KRTAP4-4: variants seen among roughly 807,000 people sequenced by gnomAD.
KRTAP4-4 encodes the protein keratin associated protein 4-4.
For missense variants in KRTAP4-4, 186 were observed against 206.9 expected (o/e 0.90, Z 0.62); for synonymous variants, 88 against 76.4 (o/e 1.15, Z -0.79).
At position 41,160,090 on chromosome 17, in the gene KRTAP4-4, C is replaced by T; in HGVS notation, c.*101G>A. On this transcript the variant is annotated 3_prime_UTR_variant, in exon 1 of 1. Transcript: ENST00000390661. ...GCTGAAGCCACAGCAGGAGGAGCTA[C>T]TGCTGCTAGAGATACTGCAGGAAGG... 5 of 1,543,122 alleles carry T rather than the reference C, an allele frequency of 3.2e-6. No individual in the cohort carries two copies. Among genetic ancestry groups the T allele is most frequent in the African/African-American group, 1.4e-5 (1 of 73,808 alleles).
rs2014948160 is a variant in KRTAP4-4, at chr17:41,160,242, G to A, written c.450C>T (p.Cys150=). The A allele has an allele frequency of 3.1e-6, 5 of 1,613,644 alleles. No individual in the cohort carries two copies. Among genetic ancestry groups the A allele is most frequent in the Non-Finnish European group, 4.2e-6 (5 of 1,179,928 alleles). ...CCRTTCCRPS[C]CVSRCYRPHC... The stretch of plus-strand genomic sequence containing the variant: ...GGGGCCTGTAGCACCTGGACACACA[G>A]CAGCTGGGGCGGCAGCAGGTGGTTC... The change falls in exon 1 of 1, where the codon TGC becomes TGT. Residue 150 remains cysteine (C), a synonymous_variant. Coordinates refer to ENST00000390661, the MANE Select transcript of KRTAP4-4 (RefSeq NM_032524.2).
chr17:41,160,012 T>C lies in KRTAP4-4; in HGVS notation c.*179A>G. 1 of 1,036,156 alleles carries C rather than the reference T, an allele frequency of 9.7e-7. No individual in the cohort carries two copies. The highest frequency in any genetic ancestry group is 1.4e-6 in the Non-Finnish European group (1 of 700,922). The allele number at this position is 1,036,156 out of a possible 1,614,324, so 64.2% of individuals were successfully genotyped here. On this transcript the variant is annotated 3_prime_UTR_variant, in exon 1 of 1. Coordinates refer to ENST00000390661, the MANE Select transcript of KRTAP4-4 (RefSeq NM_032524.2). The stretch of plus-strand genomic sequence containing the variant: ...GCAGGTTGGGCGGCAGCACATGGTC[T>C]GGCAGCAGTTGGGGCGGCAGCAACT...
In KRTAP4-4 at chr17:41,160,379, A is replaced by C. The variant is rs1373921774; in HGVS notation, c.313T>G (p.Cys105Gly). The C allele has an allele frequency of 6.2e-7, 1 of 1,612,436 alleles. No individual in the cohort carries two copies. The highest frequency in any genetic ancestry group is 8.5e-7 in the Non-Finnish European group (1 of 1,179,670). The change falls in exon 1 of 1, where the codon TGC (cysteine) becomes GGC (glycine). Residue 105 changes from cysteine to glycine, a missense_variant. Coordinates refer to ENST00000390661, the MANE Select transcript of KRTAP4-4 (RefSeq NM_032524.2). ...GACTGGCAGCACTGGGGCCTGCAGC[A>C]GCTGGGGCGGCAGCAGGTGGTCCTA... is the stretch of plus-strand genomic sequence containing the variant. ...CCRTTCCRPS[C>G]CRPQCCQSVC...
chr17:41,160,036 C>CTGGA lies in KRTAP4-4; in HGVS notation c.*151_*154dup. On this transcript the variant is annotated 3_prime_UTR_variant, in exon 1 of 1. Coordinates refer to ENST00000390661, the MANE Select transcript of KRTAP4-4 (RefSeq NM_032524.2). Reference sequence around the variant, plus strand: ...CTGGCAGCAGTTGGGGCGGCAGCAACTGGAGATGCAGCAGGAGAGCCTGCA... The same window carrying CTGGA: ...CTGGCAGCAGTTGGGGCGGCAGCAACTGGATGGAGATGCAGCAGGAGAGCCTGCA... The CTGGA allele has an allele frequency of 2.5e-6, 3 of 1,190,730 alleles. No homozygotes were observed. Among genetic ancestry groups the CTGGA allele is most frequent in the Non-Finnish European group, 3.6e-6 (3 of 843,922 alleles). The allele number at this position is 1,190,730 out of a possible 1,614,324, so 73.8% of individuals were successfully genotyped here. A position where few individuals can be genotyped will look rare whatever the true frequency, so the allele number is the denominator to read the frequency against.
chr17:41,160,300 C>T lies in KRTAP4-4; in HGVS notation c.392G>A (p.Cys131Tyr). Residue 131 changes from cysteine to tyrosine, a missense_variant, in exon 1 of 1, where the codon TGC (cysteine) becomes TAC (tyrosine). By Grantham distance (194) the Cys-to-Tyr change is radical. Transcript: ENST00000390661. ...CCPSYCVSSC[C>Y]RPQCCQTTCC... Reference sequence around the variant, plus strand: ...GGTGGTCTGGCAGCACTGGGGTCTGCAGCAGCTGGACACACAGTAGCTGGG... The same window carrying T: ...GGTGGTCTGGCAGCACTGGGGTCTGTAGCAGCTGGACACACAGTAGCTGGG... 7.4e-6 allele frequency: 12 copies of T among 1,612,610 alleles called. No individual in the cohort carries two copies. Among genetic ancestry groups the T allele is most frequent in the South Asian group, 1.1e-5 (1 of 90,996 alleles).
Position 41,160,621 on chromosome 17 carries a change from C to G in KRTAP4-4, c.71G>C (p.Ser24Thr), listed in dbSNP as rs532854691. The change falls in exon 1 of 1, where the codon AGC (serine) becomes ACC (threonine). Residue 24 changes from serine (S) to threonine (T), a missense_variant. By Grantham distance (58) the Ser-to-Thr change is moderately conservative. Transcript: ENST00000390661. ...CCTGCAGCAGGTGGTCTGGCAGTAG[C>G]TGGGACGGCAGCAGTTCTCTAGGCC... is the stretch of plus-strand genomic sequence containing the variant. The part of the protein sequence containing the change: ...GCGLENCCRP[S>T]YCQTTCCRTT... 6.8e-6 allele frequency: 11 copies of G among 1,613,834 alleles called. No homozygotes were observed. The highest frequency in any genetic ancestry group is 1.3e-5 in the African/African-American group (1 of 74,842).
In KRTAP4-4 at chr17:41,160,333, C is replaced by T; in HGVS notation, c.359G>A (p.Cys120Tyr). 1 of 1,612,560 alleles carries T rather than the reference C, an allele frequency of 6.2e-7. No homozygotes were observed. The highest frequency in any genetic ancestry group is 8.5e-7 in the Non-Finnish European group (1 of 1,179,660). ...CCQSVCCQPT[C>Y]CCPSYCVSSC... is the part of the protein sequence containing the mutation. ...GGACACACAGTAGCTGGGGCAGCAG[C>T]AGGTGGGCTGGCAGCACACAGACTG... The change falls in exon 1 of 1, where the codon TGC becomes TAC. Residue 120 changes from cysteine (C) to tyrosine (Y), a missense_variant. Transcript: ENST00000390661.
Position 41,160,403 on chromosome 17 carries a change from T to G in KRTAP4-4, c.289A>C (p.Arg97=), listed in dbSNP as rs774820360. The change falls in exon 1 of 1, where the codon AGG becomes CGG. Residue 97 remains arginine, a synonymous_variant. Coordinates refer to ENST00000390661, the MANE Select transcript of KRTAP4-4 (RefSeq NM_032524.2). ...CAGCTGGGGCGGCAGCAGGTGGTCC[T>G]ACAGCAGGTAGTCTGGCAGCATTGG... is the stretch of plus-strand genomic sequence containing the variant. The part of the protein sequence containing the change: ...RPQCCQTTCC[R]TTCCRPSCCR... The G allele has an allele frequency of 6.2e-7, 1 of 1,609,472 alleles. No individual in the cohort carries two copies. Among genetic ancestry groups the G allele is most frequent in the African/African-American group, 1.4e-5 (1 of 73,210 alleles).
Position 41,159,977 on chromosome 17 carries a change from A to G in KRTAP4-4, c.*214T>C. The G allele has an allele frequency of 1.4e-6, 1 of 737,528 alleles. No individual in the cohort carries two copies. Among genetic ancestry groups the G allele is most frequent in the Non-Finnish European group, 2.3e-6 (1 of 441,992 alleles). The allele number at this position is 737,528 out of a possible 1,614,324, so 45.7% of individuals were successfully genotyped here. Reference sequence around the variant, plus strand: ...TCCAGATGACAGCCTCAGCAGCAAGAAGCACTAGAGCAGGTTGGGCGGCAG... The same window carrying G: ...TCCAGATGACAGCCTCAGCAGCAAGGAGCACTAGAGCAGGTTGGGCGGCAG... On this transcript the variant is annotated 3_prime_UTR_variant, in exon 1 of 1. Coordinates refer to ENST00000390661, the MANE Select transcript of KRTAP4-4 (RefSeq NM_032524.2).
In KRTAP4-4 at chr17:41,160,158, G is replaced by T. The variant is rs1477388798; in HGVS notation, c.*33C>A. On this transcript the variant is annotated 3_prime_UTR_variant, in exon 1 of 1. Coordinates refer to ENST00000390661, the MANE Select transcript of KRTAP4-4 (RefSeq NM_032524.2). ...TGCAATAGCTGGGGTGGCAGCAGGT[G>T]GTCCTGTAGCAGGTGGTTTGCCAGC... 44 of 1,607,340 alleles carry T rather than the reference G, an allele frequency of 2.7e-5. No individual in the cohort carries two copies. The highest frequency in any genetic ancestry group is 3.7e-5 in the Non-Finnish European group (43 of 1,175,980).
rs1278454916 is a variant in KRTAP4-4 at position 41,160,386 on chromosome 17, G to T, written c.306C>A (p.Arg102=). 6.8e-6 allele frequency: 11 copies of T among 1,610,328 alleles called. No individual in the cohort carries two copies. In the African/African-American group the frequency reaches 1.5e-4, roughly 22 times the overall value. ...QTTCCRTTCC[R]PSCCRPQCCQ... ...AGCACTGGGGCCTGCAGCAGCTGGGGCGGCAGCAGGTGGTCCTACAGCAGG... is the reference window on the plus strand; with the variant it reads ...AGCACTGGGGCCTGCAGCAGCTGGGTCGGCAGCAGGTGGTCCTACAGCAGG... Residue 102 remains arginine (R), a synonymous_variant, in exon 1 of 1, where the codon CGC becomes CGA. Transcript: ENST00000390661.
In KRTAP4-4 at chr17:41,160,634, A is replaced by T. The variant is rs745826521; in HGVS notation, c.58T>A (p.Cys20Ser). 21 of 1,614,086 alleles carry T rather than the reference A, an allele frequency of 1.3e-5. No homozygotes were observed. In the South Asian group the frequency reaches 2.3e-4, roughly 18 times the overall value. ...CSDQGCGLEN[C>S]CRPSYCQTTC... ...GTCTGGCAGTAGCTGGGACGGCAGC[A>T]GTTCTCTAGGCCACAGCCCTGGTCA... Residue 20 changes from cysteine (C) to serine (S), a missense_variant, in exon 1 of 1, where the codon TGC becomes AGC. Physicochemically the swap from Cys to Ser is moderately radical, Grantham distance 112 (BLOSUM62 -1). Transcript: ENST00000390661.
At position 41,160,077 on chromosome 17, in the gene KRTAP4-4, G is replaced by T; in HGVS notation, c.*114C>A. 6.6e-7 allele frequency: 1 copy of T among 1,503,868 alleles called. No homozygotes were observed. Among genetic ancestry groups the T allele is most frequent in the Non-Finnish European group, 9.0e-7 (1 of 1,105,602 alleles). The allele number at this position is 1,503,868 out of a possible 1,614,324, so 93.2% of individuals were successfully genotyped here. ...AGAGCCTGCAGCAGCTGAAGCCACA[G>T]CAGGAGGAGCTACTGCTGCTAGAGA... On this transcript the variant is annotated 3_prime_UTR_variant, in exon 1 of 1. Coordinates refer to ENST00000390661, the MANE Select transcript of KRTAP4-4 (RefSeq NM_032524.2).
Position 41,159,987 on chromosome 17 carries a change from G to T in KRTAP4-4, c.*204C>A. On this transcript the variant is annotated 3_prime_UTR_variant, in exon 1 of 1. Transcript: ENST00000390661. Reference sequence around the variant, plus strand: ...AGCCTCAGCAGCAAGAAGCACTAGAGCAGGTTGGGCGGCAGCACATGGTCT... The same window carrying T: ...AGCCTCAGCAGCAAGAAGCACTAGATCAGGTTGGGCGGCAGCACATGGTCT... 1 of 795,520 alleles carries T rather than the reference G, an allele frequency of 1.3e-6. No homozygotes were observed. Among genetic ancestry groups the T allele is most frequent in the Non-Finnish European group, 2.0e-6 (1 of 490,810 alleles). 49.3% of individuals were successfully genotyped at this position (795,520 alleles called of 1,614,324 possible).
rs2014943847 is a variant in KRTAP4-4, at chr17:41,160,098, A to G, written c.*93T>C. ...CACAGCAGGAGGAGCTACTGCTGCT[A>G]GAGATACTGCAGGAAGGCTGGCAGC... On this transcript the variant is annotated 3_prime_UTR_variant, in exon 1 of 1. Transcript: ENST00000390661. 1 of 1,558,224 alleles carries G rather than the reference A, an allele frequency of 6.4e-7. No homozygotes were observed. The highest frequency in any genetic ancestry group is 1.3e-5 in the African/African-American group (1 of 74,106).
At position 41,160,378 on chromosome 17, in the gene KRTAP4-4, C is replaced by G. The variant is rs544585221; in HGVS notation, c.314G>C (p.Cys105Ser). 6.2e-7 allele frequency: 1 copy of G among 1,611,504 alleles called. No individual in the cohort carries two copies. Among genetic ancestry groups the G allele is most frequent in the East Asian group, 2.2e-5 (1 of 44,770 alleles). Residue 105 changes from cysteine to serine, a missense_variant, in exon 1 of 1, where the codon TGC (cysteine) becomes TCC (serine). By Grantham distance (112) the Cys-to-Ser change is moderately radical. Transcript: ENST00000390661. ...CCRTTCCRPSCCRPQCCQSVC... is the reference protein window; with the variant it reads ...CCRTTCCRPSSCRPQCCQSVC... The stretch of plus-strand genomic sequence containing the variant: ...AGACTGGCAGCACTGGGGCCTGCAG[C>G]AGCTGGGGCGGCAGCAGGTGGTCCT...
chr17:41,160,302 G>A lies in KRTAP4-4; in HGVS notation c.390C>T (p.Cys130=), dbSNP rs568569865. The change falls in exon 1 of 1, where the codon TGC becomes TGT. Residue 130 remains cysteine, a synonymous_variant. Coordinates refer to ENST00000390661, the MANE Select transcript of KRTAP4-4 (RefSeq NM_032524.2). ...TGGTCTGGCAGCACTGGGGTCTGCA[G>A]CAGCTGGACACACAGTAGCTGGGGC... ...CCCPSYCVSS[C]CRPQCCQTTC... 5.0e-5 allele frequency: 81 copies of A among 1,613,182 alleles called. No homozygotes were observed. In the South Asian group the frequency reaches 5.3e-4, roughly 11 times the overall value.
In KRTAP4-4 at chr17:41,160,652, C is replaced by G. The variant is rs1400345642; in HGVS notation, c.40G>C (p.Gly14Arg). The G allele has an allele frequency of 6.2e-7, 1 of 1,613,628 alleles. No homozygotes were observed. The highest frequency in any genetic ancestry group is 1.3e-5 in the African/African-American group (1 of 74,984). Residue 14 changes from glycine to arginine, a missense_variant, in exon 1 of 1, where the codon GGC becomes CGC. Transcript: ENST00000390661. ...SCCGSVCSDQ[G>R]CGLENCCRPS... ...CGGCAGCAGTTCTCTAGGCCACAGC[C>G]CTGGTCAGAGCACACAGAGCCACAA...
Position 41,160,508 on chromosome 17 carries a change from GGCA to G in KRTAP4-4, c.181_183del (p.Cys61del). Reference sequence around the variant, plus strand: ...CAGCTGGACACACAGCAGCTGGGGTGGCAGCAGGTGGTCCTGCAGCAGGTGGTC... The same window carrying G: ...CAGCTGGACACACAGCAGCTGGGGTGGCAGGTGGTCCTGCAGCAGGTGGTC... On this transcript the variant is annotated inframe_deletion, in exon 1 of 1. Coordinates refer to ENST00000390661, the MANE Select transcript of KRTAP4-4 (RefSeq NM_032524.2). 6.2e-7 allele frequency: 1 copy of G among 1,612,418 alleles called. No homozygotes were observed. Among genetic ancestry groups the G allele is most frequent in the Non-Finnish European group, 8.5e-7 (1 of 1,179,684 alleles).
Sources: gnomAD v4.1 joint callset for allele counts on GRCh38, gnomAD v4.1.1 for gene constraint, MANE v1.5 for transcripts, NCBI Gene and HGNC (gene_info 2026-07-23, HGNC 2026-07-21) for gene names.